The following TCERG1L variants were observed in gnomAD, a reference collection of about 807,000 sequenced individuals.
TCERG1L encodes the protein transcription elongation regulator 1 like, also known as transcription elongation regulator 1-like protein.
In TCERG1L, 37 loss-of-function variants were observed where a neutral mutation model predicts 56.3. That is an observed-to-expected ratio of 0.66 (90% CI 0.51 to 0.87). The LOEUF (loss-of-function observed/expected upper bound fraction) is 0.87. Among genes scored for constraint, TCERG1L ranks in the 40% least tolerant of loss-of-function variants. TCERG1L has a pLI of 0.00. For missense variants in TCERG1L, 799 were observed against 774.2 expected, an observed-to-expected ratio of 1.03 and a Z score of -0.38; for synonymous variants, 324 against 326.3, an observed-to-expected ratio of 0.99 and a Z score of 0.08.
chr10:131,095,400 C>T (rs1423234346), intron 11 of TCERG1L: 8 of 152,282 alleles, frequency 5.3e-5, no homozygotes, highest in African/African-American at 1.9e-4. Flanking sequence ...TGCTCAGGAC[C>T]GAGGCTGAGA....
intron 6 of TCERG1L, chr10:131,162,217 T>C (rs1564804911): frequency 6.6e-6 from 1 of 152,188 alleles, no homozygotes; most frequent in African/African-American, 2.4e-5. Flanking sequence ...GAAAACAGCA[T>C]AATATTAGTA....
intron 4 of TCERG1L, among the ~76,000 whole-genome samples, chr10:131,227,187 G>A (rs1322618560): frequency 6.6e-6 from 1 of 152,368 alleles, no homozygotes; most frequent in Non-Finnish European, 1.5e-5. Flanking sequence ...TGGCACTTCA[G>A]CCACCATTGG....
chr10:131,120,167 G>C (rs58436813), intron 8 of TCERG1L, among the ~76,000 whole-genome samples: 3,535 of 152,258 alleles, frequency 0.023, 204 homozygotes, highest in East Asian at 0.19. Context: ...GTGTGTGTGT[G>C]TGTGAGCTTG....
chr10:131,166,716 C>G, intron 5 of TCERG1L, 81 bp downstream of exon 5: 3 of 1,377,984 alleles, frequency 2.2e-6, no homozygotes, highest in Non-Finnish European at 2.0e-6. Context: ...ATACAGCAAA[C>G]AAGCGTGAGG....
intron 3 of TCERG1L, among the ~76,000 whole-genome samples, chr10:131,277,122 C>T (rs561341135): frequency 2.2e-4 from 33 of 151,936 alleles, no homozygotes; most frequent in African/African-American, 7.7e-4. Context: ...AGGAAAACAA[C>T]ATCACCACTG....
chr10:131,214,668 C>T (rs764816821), intron 4 of TCERG1L, among the ~76,000 whole-genome samples: 6 of 152,134 alleles, frequency 3.9e-5, no homozygotes, highest in African/African-American at 9.7e-5. Flanking sequence ...GGATTTCCAG[C>T]GTTTCCACTT....
rs555490845 is a variant in TCERG1L, at chr10:131,290,114, ACTG to A, written c.670+18094_670+18096del. Among the ~76,000 whole-genome samples, 123 of 75,740 alleles carry A rather than the reference ACTG, an allele frequency of 1.6e-3. 21 individuals carry two copies. The Middle Eastern group carries it at 0.045, about 28-fold the overall frequency. The allele number at this position is 75,740 out of a possible 152,430, so 49.7% of individuals were successfully genotyped here. The stretch of plus-strand genomic sequence containing the variant: ...TATCGGTGTGTGTGTGTATGTGTGC[ACTG>A]CTGTGTGTGAGCAGGTGTGCACTGC... On this transcript the variant is annotated intron_variant, in intron 3 of 11. Transcript: ENST00000368642.
chr10:131,093,249 C>CT lies in TCERG1L; in HGVS notation c.1673dup (p.Asp559GlyfsTer14). On this transcript the variant is annotated frameshift_variant, in exon 12 of 12. Transcript: ENST00000368642. LOFTEE classifies it high-confidence loss of function. Reference sequence around the variant, plus strand: ...ATTGGTTGAAAAAATGCTCCTGGTCCTTTCTTTTTTGAACAAGTCGGAACC... The same window carrying CT: ...ATTGGTTGAAAAAATGCTCCTGGTCCTTTTCTTTTTTGAACAAGTCGGAACC... 1 of 1,614,006 alleles carries CT rather than the reference C, an allele frequency of 6.2e-7. No individual in the cohort carries two copies. The highest frequency in any genetic ancestry group is 1.1e-5 in the South Asian group (1 of 91,082).
At chr10:131,139,458 G>A (rs1589726053) in intron 7 of TCERG1L, among the ~76,000 whole-genome samples, 2 of 152,156 alleles carry the variant, frequency 1.3e-5, no homozygotes, top group African/African-American at 4.8e-5. Flanking sequence ...TGGAGGGAGA[G>A]GGAACTGGGT....
intron 3 of TCERG1L, among the ~76,000 whole-genome samples, chr10:131,275,346 T>C (rs1421396690): frequency 1.3e-5 from 2 of 152,174 alleles, no homozygotes; most frequent in East Asian, 1.9e-4. Context: ...CTCAGCAAAA[T>C]GGACAGGTAC....
At chr10:131,256,992 G>GGAAGGAAAGGAAGAAAGAAAGAAAGAAA (rs1846173015) in intron 4 of TCERG1L, among the ~76,000 whole-genome samples, 2 of 59,170 alleles carry the variant, frequency 3.4e-5, no homozygotes, top group Admixed American at 1.8e-4. Context: ...AAGGAAGGAA[G>GGAAGGAAAGGAAGAAAGAAAGAAAGAAA]GAAAGAAAGA....
intron 3 of TCERG1L, among the ~76,000 whole-genome samples, chr10:131,290,513 C>A (rs1846601464): frequency 6.6e-6 from 1 of 151,782 alleles, no homozygotes; most frequent in South Asian, 2.1e-4. Flanking sequence ...TGCCTGTAAT[C>A]CAAGATACTT....
chr10:131,171,759 T>C (rs961773972), intron 4 of TCERG1L, among the ~76,000 whole-genome samples: 2 of 151,766 alleles, frequency 1.3e-5, no homozygotes, highest in Non-Finnish European at 2.9e-5. Flanking sequence ...TTAGTAGAGA[T>C]AGGGTTTCAC....
At chr10:131,211,658 T>G (rs978227104) in intron 4 of TCERG1L, among the ~76,000 whole-genome samples, 3 of 152,146 alleles carry the variant, frequency 2.0e-5, no homozygotes, top group South Asian at 4.1e-4. Flanking sequence ...TTATTAACAC[T>G]TCAACCTTCA....
At chr10:131,123,161 C>G in intron 8 of TCERG1L, among the ~76,000 whole-genome samples, 1 of 152,298 alleles carries the variant, frequency 6.6e-6, no homozygotes, top group East Asian at 1.9e-4. Flanking sequence ...ATGTCTGCAG[C>G]GGGCCCTGCT....
rs556629287 is a variant in TCERG1L at position 131,238,240 on chromosome 10, A to C, written c.856+22019T>G. Among the ~76,000 whole-genome samples the C allele has an allele frequency of 2.0e-5, 3 of 152,320 alleles. No homozygotes were observed. The East Asian group carries it at 5.8e-4, about 29-fold the overall frequency. ...CCACGTGCTGTTCCGTTGTGCAGCC[A>C]TCTCGTTAAGGAATCCACACTGGAG... On this transcript the variant is annotated intron_variant, in intron 4 of 11. Coordinates refer to ENST00000368642, the MANE Select transcript of TCERG1L (RefSeq NM_174937.4).
At chr10:131,212,494 G>A (rs1358381340) in intron 4 of TCERG1L, among the ~76,000 whole-genome samples, 1 of 152,194 alleles carries the variant, frequency 6.6e-6, no homozygotes, top group African/African-American at 2.4e-5. Flanking sequence ...CTTGGCATCT[G>A]TAAGCTCAAA....
At chr10:131,247,674 G>A (rs547307256) in intron 4 of TCERG1L, among the ~76,000 whole-genome samples, 1 of 152,142 alleles carries the variant, frequency 6.6e-6, no homozygotes, top group Non-Finnish European at 1.5e-5. Flanking sequence ...TAGAGGAGAT[G>A]AACTTTCCCT....
At chr10:131,212,482 T>C (rs905336087) in intron 4 of TCERG1L, among the ~76,000 whole-genome samples, 3 of 152,248 alleles carry the variant, frequency 2.0e-5, no homozygotes, top group East Asian at 1.9e-4. Context: ...TGTTCATCTA[T>C]GCTTGGCATC....
Sources: gnomAD v4.1 joint callset for allele counts (sites outside exome capture counted in the v4.1 genomes callset) on GRCh38, gnomAD v4.1.1 for gene constraint, MANE v1.5 for transcripts, NCBI Gene and HGNC (gene_info 2026-07-23, HGNC 2026-07-21) for gene names.